Variants in PTPRN2 observed in about 807,000 individuals in gnomAD.
PTPRN2 encodes protein tyrosine phosphatase receptor type N2, also known as receptor-type tyrosine-protein phosphatase N2.
A neutral mutation model predicts 118.8 loss-of-function variants in PTPRN2; 74 were observed. The observed-to-expected ratio is 0.62, with a 90% CI of 0.52 to 0.76. The LOEUF is 0.76. PTPRN2 is among the 30% of genes least tolerant of loss of function. The pLI is 0.00. For missense variants in PTPRN2, 1,481 were observed against 1,394.4 expected, an observed-to-expected ratio of 1.06 and a Z score of -0.99; for synonymous variants, 641 against 608.0, an observed-to-expected ratio of 1.05 and a Z score of -0.80.
At chr7:157,735,165 C>A (rs758500968) in intron 12 of PTPRN2, among the ~76,000 whole-genome samples, 6 of 152,210 alleles carry the variant, frequency 3.9e-5, no homozygotes, top group Admixed American at 3.9e-4. Context: ...TCCCGTGGTT[C>A]GGCCGGCGAA....
chr7:157,680,076 T>C (rs1000760295), intron 13 of PTPRN2, among the ~76,000 whole-genome samples: 4 of 152,244 alleles, frequency 2.6e-5, no homozygotes, highest in Non-Finnish European at 2.9e-5. Context: ...ACTTATGATA[T>C]TGCCACCTAC....
Position 158,171,052 on chromosome 7 carries a change from T to TAC in PTPRN2, c.550-3763_550-3762dup, listed in dbSNP as rs1489808957. Among the ~76,000 whole-genome samples the TAC allele has an allele frequency of 8.7e-4, 99 of 113,914 alleles. 2 individuals carry two copies. The highest frequency in any genetic ancestry group is 4.3e-3 in the African/African-American group (96 of 22,216). The allele number at this position is 113,914 out of a possible 152,430, so 74.7% of individuals were successfully genotyped here. A position where few individuals can be genotyped will look rare whatever the true frequency, so the allele number is the denominator to read the frequency against. On this transcript the variant is annotated intron_variant, in intron 5 of 22. Coordinates refer to ENST00000389418, the MANE Select transcript of PTPRN2 (RefSeq NM_002847.5). ...ACATATATATACACATACATATATATACACATATATACACATTATATACAC... is the reference window on the plus strand; with the variant it reads ...ACATATATATACACATACATATATATACACACATATATACACATTATATACAC...
chr7:158,075,126 C>T (rs566401227), intron 11 of PTPRN2, among the ~76,000 whole-genome samples: 73 of 152,276 alleles, frequency 4.8e-4, no homozygotes, highest in African/African-American at 1.5e-3. Context: ...TCCTCGCAGC[C>T]GGGAAGGTCA....
chr7:158,481,550 C>T lies in PTPRN2; in HGVS notation c.163+8185G>A, dbSNP rs144814069. Among the ~76,000 whole-genome samples the T allele has an allele frequency of 4.8e-3, 730 of 152,306 alleles. 6 individuals carry two copies. The highest frequency in any genetic ancestry group is 0.016 in the African/African-American group (683 of 41,566). Reference sequence around the variant, plus strand: ...TGCGATCTCGGCTCACTACAACCTCCGCCTCCCAGGTTCAAGCAATTCCTT... The same window carrying T: ...TGCGATCTCGGCTCACTACAACCTCTGCCTCCCAGGTTCAAGCAATTCCTT... On this transcript the variant is annotated intron_variant, in intron 2 of 22. Transcript: ENST00000389418.
chr7:157,824,841 C>T (rs1040772596), intron 12 of PTPRN2, among the ~76,000 whole-genome samples: 7 of 152,196 alleles, frequency 4.6e-5, no homozygotes, highest in African/African-American at 1.7e-4. Context: ...AGGCAGAACC[C>T]GCCTCGCCTT....
intron 19 of PTPRN2, among the ~76,000 whole-genome samples, chr7:157,572,811 G>A (rs763083713): frequency 2.6e-4 from 39 of 152,258 alleles, no homozygotes; most frequent in Non-Finnish European, 5.1e-4. Context: ...TGTGAAACAC[G>A]AGGCTGATGC....
chr7:157,965,205 A>C (rs1475283070), intron 11 of PTPRN2, among the ~76,000 whole-genome samples: 1 of 152,216 alleles, frequency 6.6e-6, no homozygotes, highest in African/African-American at 2.4e-5. Context: ...TTTTGACTCC[A>C]TATGTATGAA....
At chr7:158,341,515 A>T (rs1458455888) in intron 2 of PTPRN2, among the ~76,000 whole-genome samples, 1 of 125,316 alleles carries the variant, frequency 8.0e-6, no homozygotes. Context: ...GACGTCACTC[A>T]CACCCACACT....
intron 11 of PTPRN2, among the ~76,000 whole-genome samples, chr7:158,081,021 C>T (rs1001185751): frequency 1.3e-5 from 2 of 152,234 alleles, no homozygotes; most frequent in Non-Finnish European, 2.9e-5. Flanking sequence ...TGTCTCCTGC[C>T]TTCTATCTGA....
At chr7:157,772,119 A>G (rs537061670) in intron 12 of PTPRN2, among the ~76,000 whole-genome samples, 18 of 151,688 alleles carry the variant, frequency 1.2e-4, no homozygotes, top group South Asian at 6.3e-4. Flanking sequence ...ACACACAGAC[A>G]TACACATACA....
chr7:158,547,388 G>A (rs952651883), intron 1 of PTPRN2, among the ~76,000 whole-genome samples: 17 of 147,840 alleles, frequency 1.1e-4, no homozygotes, highest in African/African-American at 3.8e-4. Flanking sequence ...CCAATCCTAC[G>A]TTGACTCCCC....
At chr7:157,649,177 C>T (rs1188052038) in intron 14 of PTPRN2, among the ~76,000 whole-genome samples, 7 of 112,878 alleles carry the variant, frequency 6.2e-5, no homozygotes, top group African/African-American at 9.7e-5. Context: ...CTCGGTGGGT[C>T]GGACCCATTC....
intron 12 of PTPRN2, chr7:157,739,372 C>T (rs1800489314): frequency 6.6e-6 from 1 of 152,274 alleles, no homozygotes; most frequent in African/African-American, 2.4e-5. Flanking sequence ...ACTCTCTCAC[C>T]CCGGCATCTG....
chr7:158,340,863 T>A (rs1199718743), intron 2 of PTPRN2, among the ~76,000 whole-genome samples: 29 of 87,052 alleles, frequency 3.3e-4, no homozygotes, highest in Non-Finnish European at 1.5e-4. Context: ...CATGCAGACG[T>A]CACTCACACC....
chr7:157,606,058 C>T (rs1012664904), intron 15 of PTPRN2, among the ~76,000 whole-genome samples: 6 of 152,258 alleles, frequency 3.9e-5, no homozygotes, highest in South Asian at 4.1e-4. Context: ...AGCCCTCCTT[C>T]GGCTTCCCTC....
At chr7:158,365,086 T>C (rs1809330159) in intron 2 of PTPRN2, among the ~76,000 whole-genome samples, 1 of 152,190 alleles carries the variant, frequency 6.6e-6, no homozygotes, top group Non-Finnish European at 1.5e-5. Context: ...TACTCCACAC[T>C]ATTTTAATAA....
chr7:158,331,333 T>A (rs1252986077), intron 2 of PTPRN2, among the ~76,000 whole-genome samples: 17 of 111,836 alleles, frequency 1.5e-4, no homozygotes, highest in African/African-American at 4.4e-4. Context: ...CCCACAGAGG[T>A]CACTCACACC....
At chr7:157,930,405 C>G (rs1799284712) in intron 11 of PTPRN2, among the ~76,000 whole-genome samples, 1 of 152,176 alleles carries the variant, frequency 6.6e-6, no homozygotes, top group South Asian at 2.1e-4. Flanking sequence ...GGTCTCTCAG[C>G]TGCTGCTTTT....
chr7:158,147,883 G>A (rs1485134728), intron 6 of PTPRN2, among the ~76,000 whole-genome samples: 4 of 128,392 alleles, frequency 3.1e-5, no homozygotes, highest in African/African-American at 6.0e-5. Context: ...CCCATCTCAC[G>A]CCACGTGTCT....
Sources: gnomAD v4.1 joint callset for allele counts (sites outside exome capture counted in the v4.1 genomes callset) on GRCh38, gnomAD v4.1.1 for gene constraint, MANE v1.5 for transcripts, NCBI Gene and HGNC (gene_info 2026-07-23, HGNC 2026-07-21) for gene names.